Variants in TAFA1 observed in about 807,000 individuals in gnomAD.
TAFA1 encodes the protein TAFA chemokine like family member 1, also known as chemokine-like protein TAFA-1.
A neutral mutation model predicts 18.5 loss-of-function variants in TAFA1; 4 were observed. The ratio of observed to expected loss-of-function variants is 0.22; its 90% CI spans 0.11 to 0.49. TAFA1 has a LOEUF of 0.49. Among genes scored for constraint, TAFA1 ranks in the 20% least tolerant of loss-of-function variants. The probability of loss-of-function intolerance (pLI) is 0.98; values close to 1 mark genes in which losing one functional copy is unlikely to be tolerated. For missense variants in TAFA1, 147 were observed against 169.0 expected, an observed-to-expected ratio of 0.87 and a Z score of 0.72; for synonymous variants, 56 against 55.2, an observed-to-expected ratio of 1.01 and a Z score of -0.06.
At position 68,342,803 on chromosome 3, in the gene TAFA1, G is replaced by A. The variant is rs574077202; in HGVS notation, c.119-74477G>A. On this transcript the variant is annotated intron_variant, in intron 2 of 4. Transcript: ENST00000478136. ...ATCCCTTGTGCTTAGCGAGTTAGGC[G>A]TCACAAAGGCCCAATCTGGCCTTTA... 3.2e-4 allele frequency among the ~76,000 whole-genome samples: 49 copies of A among 152,274 alleles called. No homozygotes were observed. In the East Asian group the frequency reaches 6.2e-3, roughly 19 times the overall value.
chr3:68,028,113 A>G (rs1021110971), intron 2 of TAFA1, among the ~76,000 whole-genome samples: 6 of 152,180 alleles, frequency 3.9e-5, no homozygotes, highest in Admixed American at 6.5e-5. Flanking sequence ...CAGCCTGGCC[A>G]ACATGGTGAA....
intron 2 of TAFA1, among the ~76,000 whole-genome samples, chr3:68,158,724 C>A (rs752427967): frequency 2.0e-5 from 3 of 151,910 alleles, no homozygotes; most frequent in Non-Finnish European, 4.4e-5. Flanking sequence ...TTTTTTGGAT[C>A]CTTTGCCATT....
intron 2 of TAFA1, among the ~76,000 whole-genome samples, chr3:68,307,998 T>A (rs975592633): frequency 1.3e-4 from 20 of 152,198 alleles, no homozygotes; most frequent in Non-Finnish European, 2.8e-4. Context: ...TTTTTACTAT[T>A]GCCAAGTGTT....
In TAFA1 at chr3:68,347,877, T is replaced by C. The variant is rs578173134; in HGVS notation, c.119-69403T>C. On this transcript the variant is annotated intron_variant, in intron 2 of 4. Transcript: ENST00000478136. ...ATGTCTCTGAGCCATTTTTCTCCTA[T>C]TGGGTCTTTTCTCCTACTGGATTCT... Among the ~76,000 whole-genome samples the C allele has an allele frequency of 2.0e-5, 3 of 152,284 alleles. No individual in the cohort carries two copies. In the South Asian group the frequency reaches 6.2e-4, roughly 32 times the overall value.
intron 2 of TAFA1, among the ~76,000 whole-genome samples, chr3:68,304,065 A>G (rs573652975): frequency 8.5e-5 from 13 of 152,344 alleles, no homozygotes; most frequent in African/African-American, 3.1e-4. Flanking sequence ...TTTGAAAATG[A>G]TAGAAATCTG....
intron 3 of TAFA1, among the ~76,000 whole-genome samples, chr3:68,529,387 C>G (rs1057490185): frequency 3.5e-5 from 5 of 143,256 alleles, no homozygotes; most frequent in Admixed American, 1.5e-4. Context: ...CCTACCTACC[C>G]TTTAATCATA....
At chr3:68,014,474 C>T (rs1352597087) in intron 2 of TAFA1, among the ~76,000 whole-genome samples, 1 of 152,118 alleles carries the variant, frequency 6.6e-6, no homozygotes, top group Non-Finnish European at 1.5e-5. Flanking sequence ...GAGTAGGAGT[C>T]AGAGGCTGGA....
intron 2 of TAFA1, among the ~76,000 whole-genome samples, chr3:68,187,653 A>G (rs2066287493): frequency 6.6e-6 from 1 of 152,032 alleles, no homozygotes; most frequent in Non-Finnish European, 1.5e-5. Context: ...AGCATGTGTC[A>G]TGCATTTCTC....
chr3:68,237,766 C>G (rs1006084311), intron 2 of TAFA1, among the ~76,000 whole-genome samples: 1 of 151,970 alleles, frequency 6.6e-6, no homozygotes, highest in Non-Finnish European at 1.5e-5. Flanking sequence ...AGAGCCCAAT[C>G]AGAAATGAAA....
chr3:68,055,604 A>T (rs1478043229), intron 2 of TAFA1, among the ~76,000 whole-genome samples: 3 of 151,992 alleles, frequency 2.0e-5, no homozygotes, highest in Non-Finnish European at 2.9e-5. Flanking sequence ...ATCATCTCCC[A>T]AGGCTGCCTC....
chr3:68,048,866 T>C (rs1186047185), intron 2 of TAFA1, among the ~76,000 whole-genome samples: 1 of 152,198 alleles, frequency 6.6e-6, no homozygotes. Context: ...CATCTGTTGA[T>C]GTACACTGAG....
intron 2 of TAFA1, among the ~76,000 whole-genome samples, chr3:68,306,742 G>A (rs2068430336): frequency 6.6e-6 from 1 of 152,092 alleles, no homozygotes; most frequent in African/African-American, 2.4e-5. Context: ...CTGTGGGTAA[G>A]CCACCTAGGT....
At position 68,155,173 on chromosome 3, in the gene TAFA1, G is replaced by A. The variant is rs140833317; in HGVS notation, c.118+148429G>A. On this transcript the variant is annotated intron_variant, in intron 2 of 4. Transcript: ENST00000478136. ...CTCTGGGCATACTCCTCATTAGGTGGCATTCATGACAAGGACCCACGTACA... is the reference window on the plus strand; with the variant it reads ...CTCTGGGCATACTCCTCATTAGGTGACATTCATGACAAGGACCCACGTACA... 6.6e-5 allele frequency among the ~76,000 whole-genome samples: 10 copies of A among 152,194 alleles called. No individual in the cohort carries two copies. In the East Asian group the frequency reaches 1.9e-3, roughly 29 times the overall value.
intron 2 of TAFA1, among the ~76,000 whole-genome samples, chr3:68,068,849 G>A (rs540527991): frequency 6.6e-6 from 1 of 152,162 alleles, no homozygotes; most frequent in Non-Finnish European, 1.5e-5. Context: ...TTTGGAGCAC[G>A]TATTATGTGA....
At chr3:67,995,202 A>C in the TAFA1 span, among the ~76,000 whole-genome samples, 9 of 152,206 alleles carry the variant, frequency 5.9e-5, no homozygotes, top group Non-Finnish European at 7.3e-5. Context: ...AATAACAAGA[A>C]ATTGCAGGTA....
At chr3:68,331,808 A>G (rs72626980) in intron 2 of TAFA1, among the ~76,000 whole-genome samples, 3,592 of 151,936 alleles carry the variant, frequency 0.024, 67 homozygotes, top group East Asian at 0.096. Flanking sequence ...TTAATTGTCA[A>G]TAAAGGCACC....
chr3:68,460,964 A>T (rs1453198871), intron 3 of TAFA1, among the ~76,000 whole-genome samples: 5 of 152,158 alleles, frequency 3.3e-5, no homozygotes, highest in Non-Finnish European at 1.5e-5. Context: ...TTAGTGCCCA[A>T]GATAGGGCAG....
At chr3:68,387,198 T>A (rs1343885252) in intron 2 of TAFA1, among the ~76,000 whole-genome samples, 5 of 152,084 alleles carry the variant, frequency 3.3e-5, no homozygotes, top group African/African-American at 1.2e-4. Context: ...GGACTAAAAG[T>A]TCTGGTGACT....
At chr3:68,248,956 T>G (rs144540825) in intron 2 of TAFA1, among the ~76,000 whole-genome samples, 2 of 152,112 alleles carry the variant, frequency 1.3e-5, no homozygotes, top group African/African-American at 4.8e-5. Context: ...GGTGTTCTCC[T>G]GTCCAGCCCT....
Sources: gnomAD v4.1 joint callset for allele counts (sites outside exome capture counted in the v4.1 genomes callset) on GRCh38, gnomAD v4.1.1 for gene constraint, MANE v1.5 for transcripts, NCBI Gene and HGNC (gene_info 2026-07-23, HGNC 2026-07-21) for gene names.